The following AVEN variants were observed in gnomAD, a reference collection of about 807,000 sequenced individuals.
AVEN encodes cell death regulator Aven.
AVEN carries 41 observed loss-of-function variants against 38.1 expected under a neutral mutation model. The ratio of observed to expected loss-of-function variants is 1.08; its 90% CI spans 0.84 to 1.40. The LOEUF (loss-of-function observed/expected upper bound fraction) is 1.40. Among genes scored for constraint, AVEN ranks in the 40% most tolerant of loss-of-function variants. The pLI is 0.00. For synonymous variants in AVEN, 206 were observed against 171.8 expected (o/e 1.20, Z -1.56); for missense variants, 605 against 438.8 (o/e 1.38, Z -3.38).
intron 5 of AVEN, among the ~76,000 whole-genome samples, chr15:34,050,347 A>G (rs375262389): frequency 1.3e-5 from 2 of 152,324 alleles, no homozygotes; most frequent in African/African-American, 4.8e-5. Context: ...AAGCTTCCAT[A>G]TTAAGCACTA....
intron 3 of AVEN, among the ~76,000 whole-genome samples, chr15:33,871,516 C>T (rs961718298): frequency 1.3e-5 from 2 of 151,782 alleles, no homozygotes; most frequent in East Asian, 1.9e-4. Context: ...CGCAGGGAGC[C>T]GAGATCGCAA....
intron 1 of AVEN, among the ~76,000 whole-genome samples, chr15:34,022,091 C>T (rs2140720126): frequency 6.6e-6 from 1 of 152,346 alleles, no homozygotes; most frequent in South Asian, 2.1e-4. Context: ...TTAAAACCTA[C>T]TCCTGCCACA....
chr15:34,064,525 C>G, intron 4 of AVEN: 1 of 626,762 alleles, frequency 1.6e-6, no homozygotes, highest in South Asian at 2.2e-5. Flanking sequence ...TGCCTATGAC[C>G]AAGGCCATTT....
intron 2 of AVEN, among the ~76,000 whole-genome samples, chr15:33,938,222 G>A (rs929342400): frequency 8.5e-5 from 13 of 152,064 alleles, no homozygotes; most frequent in African/African-American, 2.2e-4. Context: ...TTGGGAGGCC[G>A]AGGTGGGCGG....
intron 2 of AVEN, among the ~76,000 whole-genome samples, chr15:33,922,153 G>A (rs978983272): frequency 3.9e-5 from 6 of 152,118 alleles, no homozygotes; most frequent in Non-Finnish European, 8.8e-5. Flanking sequence ...TTCAATATAG[G>A]GAGTATAGCC....
Position 33,908,373 on chromosome 15 carries a change from T to C in AVEN, c.446-32378A>G, listed in dbSNP as rs1416420121. 2.0e-5 allele frequency among the ~76,000 whole-genome samples: 2 copies of C among 100,274 alleles called. 1 individual carries two copies. The highest frequency in any genetic ancestry group is 5.0e-5 in the Non-Finnish European group (2 of 40,216). The allele number at this position is 100,274 out of a possible 152,430, so 65.8% of individuals were successfully genotyped here. On this transcript the variant is annotated intron_variant, in intron 2 of 5. Transcript: ENST00000306730. ...TCTTCCTTACTACAAGCATTATTGT[T>C]ACCTGGAATAAAAGATTCCTGCTTT... is the stretch of plus-strand genomic sequence containing the variant.
chr15:33,858,020 GAGTT>G (rs1382913436), downstream of AVEN: 3 of 1,429,534 alleles, frequency 2.1e-6, no homozygotes, highest in Middle Eastern at 2.4e-4. Flanking sequence ...GAGAACTGTA[GAGTT>G]AGTTACAGAG....
chr15:34,063,022 C>G lies in AVEN; in HGVS notation n.1537G>C. 1.1e-5 allele frequency: 18 copies of G among 1,614,252 alleles called. No homozygotes were observed. The highest frequency in any genetic ancestry group is 1.4e-5 in the Non-Finnish European group (16 of 1,180,036). The stretch of plus-strand genomic sequence containing the variant: ...GGACGCTGGGCTCTCGGGAGTCTGG[C>G]TTGTGACCTTTGGCTTGCACTGGAC... On this transcript the variant is annotated non_coding_transcript_exon_variant, in exon 5 of 12. Transcript: ENST00000675287. The surrounding 1 kb of genome is among the most constrained non-coding windows in gnomAD (Gnocchi z 4.1).
intron 5 of AVEN, among the ~76,000 whole-genome samples, chr15:34,052,866 A>G (rs1400564409): frequency 6.6e-6 from 1 of 152,174 alleles, no homozygotes; most frequent in Non-Finnish European, 1.5e-5. Flanking sequence ...AAATGGAAAA[A>G]CATCCCATGC....
chr15:34,033,505 C>CAA (rs768807611), intron 1 of AVEN, among the ~76,000 whole-genome samples: 11 of 96,526 alleles, frequency 1.1e-4, no homozygotes, highest in Non-Finnish European at 1.5e-4. Context: ...GGCTCCGTCT[C>CAA]AAAAAAAAAA....
chr15:33,931,115 T>A (rs1475820991), intron 2 of AVEN, among the ~76,000 whole-genome samples: 1 of 151,834 alleles, frequency 6.6e-6, no homozygotes, highest in African/African-American at 2.4e-5. Context: ...TTAGAATGAC[T>A]ACCAACGATG....
chr15:34,073,672 C>T (rs946092223), intron 1 of AVEN, among the ~76,000 whole-genome samples: 2 of 151,836 alleles, frequency 1.3e-5, no homozygotes, highest in East Asian at 1.9e-4. Flanking sequence ...AGGTGCACAC[C>T]ACCACACCCA....
downstream of AVEN, chr15:33,854,663 C>A: frequency 7.0e-7 from 1 of 1,438,522 alleles, no homozygotes; most frequent in South Asian, 1.4e-5. Context: ...AGCACCTAAA[C>A]CCCCTCTATC....
At chr15:33,987,872 T>C (rs901389865) in intron 2 of AVEN, among the ~76,000 whole-genome samples, 3 of 152,292 alleles carry the variant, frequency 2.0e-5, no homozygotes, top group East Asian at 1.9e-4. Context: ...TCTGGCCCCA[T>C]GGAAAACCCT....
At chr15:33,873,519 CATATA>C (rs749472629) in intron 3 of AVEN, among the ~76,000 whole-genome samples, 83 of 147,402 alleles carry the variant, frequency 5.6e-4, no homozygotes, top group Middle Eastern at 3.6e-3. Context: ...ATACACTCAA[CATATA>C]ATATATATTA....
chr15:34,068,915 C>G (rs1407742520), intron 2 of AVEN, among the ~76,000 whole-genome samples: 2 of 151,582 alleles, frequency 1.3e-5, no homozygotes, highest in Non-Finnish European at 2.9e-5. Context: ...GGGTTCACGC[C>G]ATTCTCCTGC....
intron 1 of AVEN, among the ~76,000 whole-genome samples, chr15:34,020,910 A>T (rs1420103057): frequency 6.6e-6 from 1 of 152,234 alleles, no homozygotes; most frequent in Non-Finnish European, 1.5e-5. Context: ...TCTTCCTTTT[A>T]AGCACCTACC....
intron 2 of AVEN, among the ~76,000 whole-genome samples, chr15:33,890,155 A>T (rs1891876993): frequency 6.6e-6 from 1 of 152,154 alleles, no homozygotes; most frequent in African/African-American, 2.4e-5. Flanking sequence ...TCCTCAAGGG[A>T]TAATACACAT....
intron 5 of AVEN, among the ~76,000 whole-genome samples, chr15:34,053,319 A>AAAAAAATATATAT (rs775436850): frequency 4.8e-5 from 2 of 42,100 alleles, no homozygotes; most frequent in African/African-American, 1.6e-4. Flanking sequence ...AAAAAAAAAA[A>AAAAAAATATATAT]ATATATATAT....
Sources: gnomAD v4.1 joint callset for allele counts (sites outside exome capture counted in the v4.1 genomes callset) on GRCh38, gnomAD v4.1.1 for gene constraint, Gnocchi (gnomAD v3.1) non-coding constraint, MANE v1.5 for transcripts, NCBI Gene and HGNC (gene_info 2026-07-23, HGNC 2026-07-21) for gene names.